The following TBC1D22A variants were observed in gnomAD, a reference collection of about 807,000 sequenced individuals.
TBC1D22A encodes putative GTPase activator.
A neutral mutation model predicts 60.2 loss-of-function variants in TBC1D22A; 38 were observed. The observed-to-expected ratio is 0.63, with a 90% confidence interval of 0.49 to 0.83. TBC1D22A has a LOEUF of 0.83. Ranked by LOEUF, TBC1D22A falls within the 40% of genes least tolerant of loss-of-function variation. The pLI is 0.00. For missense variants in TBC1D22A, 628 were observed against 701.0 expected, an observed-to-expected ratio of 0.90 and a Z score of 1.18; for synonymous variants, 302 against 281.7, an observed-to-expected ratio of 1.07 and a Z score of -0.72.
chr22:46,801,437 C>G (rs2084891902), intron 4 of TBC1D22A, among the ~76,000 whole-genome samples: 1 of 152,206 alleles, frequency 6.6e-6, no homozygotes, highest in South Asian at 2.1e-4. Context: ...TGCTGTTTTT[C>G]TTTGTTTAGC....
rs142047193 is a variant in TBC1D22A at position 46,900,900 on chromosome 22, C to T, written c.900+6054C>T. Among the ~76,000 whole-genome samples the T allele has an allele frequency of 2.8e-3, 425 of 152,336 alleles. 2 individuals carry two copies. Among genetic ancestry groups the T allele is most frequent in the African/African-American group, 9.7e-3 (404 of 41,572 alleles). ...GAAAGCAAACATCCTGTTCTCACTG[C>T]TGATTTTAAAGGGAAGTCTTTTAAC... On this transcript the variant is annotated intron_variant, in intron 7 of 12. Transcript: ENST00000337137.
intron 10 of TBC1D22A, among the ~76,000 whole-genome samples, chr22:47,007,994 G>A (rs948516459): frequency 1.3e-5 from 2 of 152,182 alleles, no homozygotes; most frequent in African/African-American, 4.8e-5. Flanking sequence ...CTCTTGTCTT[G>A]GGCAGGTGGA....
At chr22:47,026,027 A>G (rs1271235756) in intron 10 of TBC1D22A, among the ~76,000 whole-genome samples, 2 of 152,262 alleles carry the variant, frequency 1.3e-5, no homozygotes, top group African/African-American at 2.4e-5. Flanking sequence ...CAAATCCAAC[A>G]GTACACATCC....
intron 8 of TBC1D22A, among the ~76,000 whole-genome samples, chr22:46,928,687 G>A (rs2071183613): frequency 6.6e-6 from 1 of 152,142 alleles, no homozygotes; most frequent in African/African-American, 2.4e-5. Flanking sequence ...CTCATATCTA[G>A]TATATACAAA....
At chr22:47,018,134 C>T (rs377301409) in intron 10 of TBC1D22A, among the ~76,000 whole-genome samples, 2 of 152,254 alleles carry the variant, frequency 1.3e-5, no homozygotes, top group African/African-American at 2.4e-5. Context: ...GGGCCCAGAG[C>T]GACCTGACTC....
At chr22:46,800,399 T>G (rs2146953408) in intron 4 of TBC1D22A, among the ~76,000 whole-genome samples, 1 of 152,096 alleles carries the variant, frequency 6.6e-6, no homozygotes, top group East Asian at 1.9e-4. Context: ...GTCTTGTAGT[T>G]GACGTACCCA....
At position 47,141,554 on chromosome 22, in the gene TBC1D22A, C is replaced by G. The variant is rs538015360; in HGVS notation, c.1425+29951C>G. Among the ~76,000 whole-genome samples, 3 of 152,212 alleles carry G rather than the reference C, an allele frequency of 2.0e-5. No homozygotes were observed. The East Asian group carries it at 5.8e-4, about 29-fold the overall frequency. On this transcript the variant is annotated intron_variant, in intron 12 of 12. Coordinates refer to ENST00000337137, the MANE Select transcript of TBC1D22A (RefSeq NM_014346.5). The stretch of plus-strand genomic sequence containing the variant: ...CACTGTGAGTGGAACCCAGGGCAGC[C>G]GACTCCACGTCTGGGCTTCCAGCTT...
At chr22:47,163,315 C>T (rs1222614580) in intron 12 of TBC1D22A, among the ~76,000 whole-genome samples, 1 of 152,264 alleles carries the variant, frequency 6.6e-6, no homozygotes, top group Non-Finnish European at 1.5e-5. Flanking sequence ...TCCTCATCCT[C>T]TCTGGGGACC....
At chr22:46,896,093 G>A (rs941219803) in intron 7 of TBC1D22A, among the ~76,000 whole-genome samples, 17 of 152,142 alleles carry the variant, frequency 1.1e-4, no homozygotes, top group African/African-American at 3.6e-4. Context: ...CAGTCCTCAC[G>A]TTTGTTTCTC....
intron 11 of TBC1D22A, among the ~76,000 whole-genome samples, chr22:47,105,246 A>T (rs999755055): frequency 6.6e-6 from 1 of 152,194 alleles, no homozygotes; most frequent in Non-Finnish European, 1.5e-5. Flanking sequence ...TTAAAAAAAA[A>T]ATAATAGGGC....
chr22:47,094,859 C>T (rs1373585218), intron 11 of TBC1D22A, among the ~76,000 whole-genome samples: 3 of 151,984 alleles, frequency 2.0e-5, no homozygotes, highest in African/African-American at 7.3e-5. Flanking sequence ...CGTCCTGTGA[C>T]TCACTAGATT....
chr22:46,940,850 G>A (rs1306408929), intron 8 of TBC1D22A, among the ~76,000 whole-genome samples: 1 of 85,670 alleles, frequency 1.2e-5, no homozygotes, highest in Non-Finnish European at 2.3e-5. Context: ...ATGTATGTAT[G>A]TATATATACC....
intron 7 of TBC1D22A, among the ~76,000 whole-genome samples, chr22:46,905,858 ATG>A (rs767506768): frequency 3.9e-5 from 6 of 152,188 alleles, no homozygotes; most frequent in Non-Finnish European, 7.3e-5. Flanking sequence ...TTCTCTGTTT[ATG>A]GAACCTTGTT....
chr22:46,909,295 TACAC>T (rs142551402), intron 7 of TBC1D22A, among the ~76,000 whole-genome samples: 199 of 150,602 alleles, frequency 1.3e-3, no homozygotes, highest in African/African-American at 3.5e-3. Flanking sequence ...CCTATACACA[TACAC>T]ACACACACAC....
chr22:46,820,893 A>G (rs1602008452), intron 4 of TBC1D22A, among the ~76,000 whole-genome samples: 1 of 152,198 alleles, frequency 6.6e-6, no homozygotes, highest in Admixed American at 6.5e-5. Flanking sequence ...AACTTGCTTT[A>G]TGAATCTTGG....
At chr22:47,020,803 C>G (rs779495890) in intron 10 of TBC1D22A, among the ~76,000 whole-genome samples, 9 of 151,948 alleles carry the variant, frequency 5.9e-5, no homozygotes, top group Non-Finnish European at 1.2e-4. Context: ...TAATTCTAAT[C>G]GATGGAACAT....
intron 9 of TBC1D22A, among the ~76,000 whole-genome samples, chr22:46,992,558 A>T (rs2074984960): frequency 6.6e-6 from 1 of 151,854 alleles, no homozygotes; most frequent in South Asian, 2.1e-4. Flanking sequence ...TGCAAGCAGG[A>T]CTCTCCGGGG....
At chr22:46,789,129 CTTT>C (rs11450774) in intron 1 of TBC1D22A, 31 of 136,118 alleles carry the variant, frequency 2.3e-4, no homozygotes, top group South Asian at 1.5e-3. Context: ...TCCTTCTTTT[CTTT>C]TTTTTTTTTT....
intron 10 of TBC1D22A, among the ~76,000 whole-genome samples, chr22:47,021,673 G>A (rs1166563295): frequency 6.6e-6 from 1 of 152,196 alleles, no homozygotes; most frequent in Non-Finnish European, 1.5e-5. Flanking sequence ...CTGTAGCCTG[G>A]GCCCATAGAG....
Sources: allele counts gnomAD v4.1 joint callset (sites outside exome capture counted in the v4.1 genomes callset), GRCh38; gene constraint gnomAD v4.1.1; transcripts MANE v1.5; gene names NCBI Gene and HGNC (gene_info 2026-07-23, HGNC 2026-07-21).